Variants in PDE4D observed in about 807,000 individuals in gnomAD.
PDE4D encodes the protein phosphodiesterase 4D.
PDE4D carries 24 observed loss-of-function variants against 87.4 expected under a neutral mutation model. The observed-to-expected ratio is 0.27, with a 90% CI of 0.20 to 0.39. PDE4D has a LOEUF of 0.39. Among genes scored for constraint, PDE4D ranks in the 10% least tolerant of loss-of-function variants. PDE4D has a pLI of 1.00. For missense variants in PDE4D, 714 were observed against 1,041.0 expected (o/e 0.69, Z 4.32); for synonymous variants, 384 against 383.2 (o/e 1.00, Z -0.02).
chr5:59,618,003 T>C (rs1411700731), intron 1 of PDE4D, among the ~76,000 whole-genome samples: 1 of 151,508 alleles, frequency 6.6e-6, no homozygotes. Flanking sequence ...TGATCATTAT[T>C]TTCTGATTTT....
At chr5:59,141,668 G>A (rs1296282337) in intron 5 of PDE4D, among the ~76,000 whole-genome samples, 1 of 152,142 alleles carries the variant, frequency 6.6e-6, no homozygotes, top group Admixed American at 6.5e-5. Context: ...AATGCTAAAT[G>A]AAATTTTTTA....
chr5:59,115,805 G>C (rs1773505278), intron 5 of PDE4D, among the ~76,000 whole-genome samples: 1 of 152,146 alleles, frequency 6.6e-6, no homozygotes, highest in African/African-American at 2.4e-5. Context: ...ACCACTCTGA[G>C]CTTACTTATC....
At chr5:59,508,375 A>G (rs552263285) in intron 1 of PDE4D, among the ~76,000 whole-genome samples, 4 of 152,318 alleles carry the variant, frequency 2.6e-5, no homozygotes, top group Middle Eastern at 3.4e-3. Context: ...GTAATATGGC[A>G]TTGGATATTT....
At chr5:58,991,719 A>C (rs79978568) in intron 8 of PDE4D, 113 bp downstream of exon 8, 6 of 589,892 alleles carry the variant, frequency 1.0e-5, no homozygotes, top group Middle Eastern at 3.0e-4. Context: ...AAAAAAAGAA[A>C]AAAAAAAAAC....
intron 1 of PDE4D, among the ~76,000 whole-genome samples, chr5:59,823,968 C>T (rs559389398): frequency 6.6e-6 from 1 of 151,658 alleles, no homozygotes; most frequent in South Asian, 2.1e-4. Context: ...GTCTCTGTCG[C>T]TCTCCATTGC....
At chr5:60,391,089 T>G (rs1248313811) in intron 1 of PDE4D, among the ~76,000 whole-genome samples, 1 of 152,232 alleles carries the variant, frequency 6.6e-6, no homozygotes, top group Non-Finnish European at 1.5e-5. Context: ...TTATTTATTA[T>G]CTTTCCCCTT....
At chr5:59,839,393 T>G (rs928181752) in intron 1 of PDE4D, among the ~76,000 whole-genome samples, 4 of 151,846 alleles carry the variant, frequency 2.6e-5, no homozygotes, top group Non-Finnish European at 4.4e-5. Context: ...TATTACTCAG[T>G]TTTTGGGGTT....
chr5:60,010,775 T>C (rs946466202), intron 2 of PDE4D, among the ~76,000 whole-genome samples: 54 of 152,296 alleles, frequency 3.5e-4, no homozygotes, highest in African/African-American at 1.2e-3. Flanking sequence ...TTCTAAATCA[T>C]TTTTATTTTA....
chr5:60,291,532 T>C (rs1206984720), intron 1 of PDE4D, among the ~76,000 whole-genome samples: 1 of 151,700 alleles, frequency 6.6e-6, no homozygotes, highest in African/African-American at 2.4e-5. Flanking sequence ...AACGAACAAA[T>C]ATAACGTTTT....
rs1481886432 is a variant in PDE4D at position 59,460,863 on chromosome 5, C to T, written c.456-244895G>A. Among the ~76,000 whole-genome samples the T allele has an allele frequency of 5.3e-5, 8 of 152,226 alleles. No homozygotes were observed. In the East Asian group the frequency reaches 1.5e-3, roughly 29 times the overall value. On this transcript the variant is annotated intron_variant, in intron 1 of 14. Transcript: ENST00000340635. ...GAGAGCAAGAGGCATGATGCAGGGT[C>T]GGGGTGGTACAAGTCTCCTCTCTTC...
chr5:59,254,735 C>T (rs1230043315), intron 1 of PDE4D, among the ~76,000 whole-genome samples: 5 of 152,032 alleles, frequency 3.3e-5, no homozygotes, highest in Non-Finnish European at 4.4e-5. Context: ...GAGTACTCAG[C>T]CCCCTTCTAC....
intron 5 of PDE4D, among the ~76,000 whole-genome samples, chr5:59,053,227 C>T (rs1761798236): frequency 6.6e-6 from 1 of 152,004 alleles, no homozygotes; most frequent in Admixed American, 6.6e-5. Flanking sequence ...ATAGGTCTTG[C>T]CATGCCCTGA....
chr5:59,316,365 G>T (rs1237590539), intron 1 of PDE4D, among the ~76,000 whole-genome samples: 1 of 152,016 alleles, frequency 6.6e-6, no homozygotes, highest in African/African-American at 2.4e-5. Flanking sequence ...TTTGAACATA[G>T]AACTTTTTTT....
chr5:60,438,553 C>A lies in PDE4D; in HGVS notation c.-90+49389G>T, dbSNP rs750443435. On this transcript the variant is annotated intron_variant, in intron 1 of 16. Coordinates refer to the PDE4D transcript ENST00000502484. Reference sequence around the variant, plus strand: ...AGCCTGGCATATACATGCTTCAATACGTGTGTTCATCAACAGAAGAGAGGC... The same window carrying A: ...AGCCTGGCATATACATGCTTCAATAAGTGTGTTCATCAACAGAAGAGAGGC... 2.8e-4 allele frequency among the ~76,000 whole-genome samples: 43 copies of A among 152,030 alleles called. 1 individual carries two copies. Among genetic ancestry groups the A allele is most frequent in the Non-Finnish European group, 1.3e-4 (9 of 67,976 alleles).
At chr5:60,102,408 G>C (rs185260720) in intron 2 of PDE4D, among the ~76,000 whole-genome samples, 1 of 152,132 alleles carries the variant, frequency 6.6e-6, no homozygotes, top group Non-Finnish European at 1.5e-5. Context: ...CATCCTGCCA[G>C]CTACCCACTG....
At chr5:60,431,298 G>T (rs1253393955) in intron 1 of PDE4D, among the ~76,000 whole-genome samples, 1 of 149,704 alleles carries the variant, frequency 6.7e-6, no homozygotes, top group Non-Finnish European at 1.5e-5. Flanking sequence ...CGGGCGGAGG[G>T]GCTCCTCACT....
At chr5:59,579,538 C>G (rs2153699336) in intron 1 of PDE4D, among the ~76,000 whole-genome samples, 1 of 152,204 alleles carries the variant, frequency 6.6e-6, no homozygotes, top group East Asian at 1.9e-4. Context: ...GCAGCAAAAC[C>G]TAAAATGTGG....
intron 1 of PDE4D, among the ~76,000 whole-genome samples, chr5:59,355,960 T>C (rs894459663): frequency 6.6e-6 from 1 of 152,212 alleles, no homozygotes; most frequent in Non-Finnish European, 1.5e-5. Flanking sequence ...AGACCTTATA[T>C]CCAAAATTTT....
At chr5:59,497,657 A>G (rs1256003405) in intron 1 of PDE4D, among the ~76,000 whole-genome samples, 1 of 152,150 alleles carries the variant, frequency 6.6e-6, no homozygotes, top group Non-Finnish European at 1.5e-5. Flanking sequence ...ATAATTTTAA[A>G]CAATTAATAA....
Sources: gnomAD v4.1 joint callset for allele counts (sites outside exome capture counted in the v4.1 genomes callset) on GRCh38, gnomAD v4.1.1 for gene constraint, MANE v1.5 for transcripts, NCBI Gene and HGNC (gene_info 2026-07-23, HGNC 2026-07-21) for gene names.